Variants in E2F2 observed in about 807,000 individuals in gnomAD.
E2F2 encodes E2F transcription factor 2.
E2F2 carries 22 observed loss-of-function variants against 42.2 expected under a neutral mutation model. The observed-to-expected ratio is 0.52, with a 90% CI of 0.37 to 0.74. The LOEUF is 0.74. Among genes scored for constraint, E2F2 ranks in the 30% least tolerant of loss-of-function variants. E2F2 has a pLI of 0.00. For synonymous variants in E2F2, 248 were observed against 251.6 expected, an observed-to-expected ratio of 0.99 and a Z score of 0.13; for missense variants, 481 against 557.8, an observed-to-expected ratio of 0.86 and a Z score of 1.39.
chr1:23,518,950 G>T, intron 5 of E2F2, 66 bp downstream of exon 5: 1 of 1,334,118 alleles, frequency 7.5e-7, no homozygotes, highest in Non-Finnish European at 1.1e-6. Flanking sequence ...AGAGTCTGCA[G>T]AGCCGCCTGG....
intron 2 of E2F2, among the ~76,000 whole-genome samples, chr1:23,522,958 C>G (rs1643181176): frequency 6.6e-6 from 1 of 152,114 alleles, no homozygotes; most frequent in Non-Finnish European, 1.5e-5. Flanking sequence ...CTCTGGGCAG[C>G]CTTGACCAAT....
chr1:23,526,623 AG>A (rs747035805), intron 1 of E2F2, among the ~76,000 whole-genome samples: 2 of 152,190 alleles, frequency 1.3e-5, no homozygotes, highest in Non-Finnish European at 2.9e-5. Context: ...CTACCACATC[AG>A]TATTGGCACT....
At position 23,516,415 on chromosome 1, in the gene E2F2, G is replaced by C; in HGVS notation, c.965C>G (p.Ser322Cys). The change falls in exon 6 of 7, where the codon TCC becomes TGC. Residue 322 changes from serine (S) to cysteine (C), a missense_variant. By Grantham distance (112) the Ser-to-Cys change is moderately radical. Coordinates refer to ENST00000361729, the MANE Select transcript of E2F2 (RefSeq NM_004091.4). ...SPSEEPLPST[S>C]TLCPSPDSAQ... ...AGAGTCAGGGCTGGGGCAGAGGGTG[G>C]AGGTAGAGGGGAGAGGCTCCTCGGA... The C allele has an allele frequency of 6.2e-7, 1 of 1,601,320 alleles. No individual in the cohort carries two copies. Among genetic ancestry groups the C allele is most frequent in the South Asian group, 1.1e-5 (1 of 89,076 alleles).
Position 23,516,381 on chromosome 1 carries a change from G to A in E2F2, c.999C>T (p.Pro333=). The A allele has an allele frequency of 6.3e-7, 1 of 1,589,514 alleles. No individual in the cohort carries two copies. Among genetic ancestry groups the A allele is most frequent in the Admixed American group, 1.8e-5 (1 of 55,922 alleles). Residue 333 remains proline (P), a synonymous_variant, in exon 6 of 7, where the codon CCC becomes CCT. Transcript: ENST00000361729. The stretch of plus-strand genomic sequence containing the variant: ...TGATGCTAGGGTCGGTGCTGCTGCT[G>A]GGCTGGGCAGAGTCAGGGCTGGGGC... ...TLCPSPDSAQ[P]SSSTDPSIME...
chr1:23,516,310 C>T, intron 6 of E2F2, 25 bp downstream of exon 6: 2 of 1,470,038 alleles, frequency 1.4e-6, no homozygotes, highest in Non-Finnish European at 1.8e-6. Context: ...CCCCCACCTC[C>T]TGTCCCTCTG....
At chr1:23,527,583 G>T (rs1643272566) in intron 1 of E2F2, among the ~76,000 whole-genome samples, 1 of 152,228 alleles carries the variant, frequency 6.6e-6, no homozygotes, top group African/African-American at 2.4e-5. Context: ...TGGGGAAGAG[G>T]AATTGACTTG....
intron 1 of E2F2, among the ~76,000 whole-genome samples, chr1:23,529,188 A>G (rs1643298109): frequency 6.6e-6 from 1 of 152,212 alleles, no homozygotes; most frequent in Admixed American, 6.5e-5. Flanking sequence ...TATTAATGCC[A>G]TCTATTTCAC....
chr1:23,530,401 CTGGGTCCTGGA>C lies in E2F2; in HGVS notation c.252+130_252+140del. On this transcript the variant is annotated intron_variant, in intron 1 of 6. Transcript: ENST00000361729. This position sits in a 1 kb window ranked among gnomAD's most constrained non-coding sequence, Gnocchi z 4.4. ...GTCTTCTACTCAGATATTGGGGGCA[CTGGGTCCTGGA>C]AACTGAAAGCTCATCTTCCCTCTTC... 1 of 1,188,362 alleles carries C rather than the reference CTGGGTCCTGGA, an allele frequency of 8.4e-7. No individual in the cohort carries two copies. Among genetic ancestry groups the C allele is most frequent in the Non-Finnish European group, 1.1e-6 (1 of 869,766 alleles). 73.6% of individuals were successfully genotyped at this position (1,188,362 alleles called of 1,614,324 possible). A position where few individuals can be genotyped will look rare whatever the true frequency, so the allele number is the denominator to read the frequency against.
At chr1:23,528,026 G>C (rs1465683499) in intron 1 of E2F2, among the ~76,000 whole-genome samples, 1 of 152,228 alleles carries the variant, frequency 6.6e-6, no homozygotes, top group African/African-American at 2.4e-5. Context: ...GCTGAGACAG[G>C]AGAATCATTT....
In E2F2 at chr1:23,509,705, G is replaced by A. The variant is rs151168561; in HGVS notation, c.*175C>T. 1.0e-4 allele frequency: 133 copies of A among 1,283,298 alleles called. No individual in the cohort carries two copies. The highest frequency in any genetic ancestry group is 8.5e-4 in the Middle Eastern group (3 of 3,532). The allele number at this position is 1,283,298 out of a possible 1,614,324, so 79.5% of individuals were successfully genotyped here. A position where few individuals can be genotyped will look rare whatever the true frequency, so the allele number is the denominator to read the frequency against. ...ACCACCCCTTATCCACTCCTCACCC[G>A]TACCATTCATATCTCCCCACACAGC... On this transcript the variant is annotated 3_prime_UTR_variant, in exon 7 of 7. Transcript: ENST00000361729.
Position 23,521,384 on chromosome 1 carries a change from G to A in E2F2, c.579-313C>T, listed in dbSNP as rs546762093. Among the ~76,000 whole-genome samples, 161 of 152,224 alleles carry A rather than the reference G, an allele frequency of 1.1e-3. 1 individual carries two copies. Among genetic ancestry groups the A allele is most frequent in the African/African-American group, 3.8e-3 (159 of 41,540 alleles). The stretch of plus-strand genomic sequence containing the variant: ...GGTTTCTCTTAGGATTTATGCCAAG[G>A]GCTATAGGTCAGCTCTTTAAACCCT... On this transcript the variant is annotated intron_variant, in intron 3 of 6. Coordinates refer to ENST00000361729, the MANE Select transcript of E2F2 (RefSeq NM_004091.4).
chr1:23,519,066 C>A lies in E2F2; in HGVS notation c.802G>T (p.Ala268Ser). The A allele has an allele frequency of 6.2e-7, 1 of 1,614,044 alleles. No individual in the cohort carries two copies. The highest frequency in any genetic ancestry group is 8.5e-7 in the Non-Finnish European group (1 of 1,179,942). Residue 268 changes from alanine to serine, a missense_variant, in exon 5 of 7, where the codon GCC becomes TCC. Coordinates refer to ENST00000361729, the MANE Select transcript of E2F2 (RefSeq NM_004091.4). The part of the protein sequence containing the change: ...VGNFKEQTVI[A>S]VKAPPQTRLE... Reference sequence around the variant, plus strand: ...CTCGTCTGCGGAGGGGCCTTGACGGCAATCACTGTCTGCTCCTTAAAGTTG... The same window carrying A: ...CTCGTCTGCGGAGGGGCCTTGACGGAAATCACTGTCTGCTCCTTAAAGTTG...
rs953827828 is a variant in E2F2 at position 23,508,488 on chromosome 1, G to T, written c.*1392C>A. 3 of 152,278 alleles carry T rather than the reference G, an allele frequency of 2.0e-5. No homozygotes were observed. The highest frequency in any genetic ancestry group is 2.0e-4 in the Admixed American group (3 of 15,260). 9.4% of individuals were successfully genotyped at this position (152,278 alleles called of 1,614,324 possible). On this transcript the variant is annotated 3_prime_UTR_variant, in exon 7 of 7. Transcript: ENST00000361729. ...CAGCCCAGAGCACCCACATCCCAGGGTGGGTGGGGGAGAAGAGCAGCTGAG... is the reference window on the plus strand; with the variant it reads ...CAGCCCAGAGCACCCACATCCCAGGTTGGGTGGGGGAGAAGAGCAGCTGAG...
In E2F2 at chr1:23,509,611, T is replaced by C; in HGVS notation, c.*269A>G. On this transcript the variant is annotated 3_prime_UTR_variant, in exon 7 of 7. Transcript: ENST00000361729. The stretch of plus-strand genomic sequence containing the variant: ...CTTGGCCACCTCACCTGCAGCCTTC[T>C]TGTGAGAGGTCAGAAGTCAGAAGAC... The C allele has an allele frequency of 2.2e-6, 1 of 459,656 alleles. No homozygotes were observed. The highest frequency in any genetic ancestry group is 3.3e-6 in the Non-Finnish European group (1 of 298,736). 28.5% of individuals were successfully genotyped at this position (459,656 alleles called of 1,614,324 possible).
rs377111483 is a variant in E2F2, at chr1:23,520,999, C to T, written c.651G>A (p.Leu217=). 7.4e-6 allele frequency: 12 copies of T among 1,613,498 alleles called. No homozygotes were observed. The highest frequency in any genetic ancestry group is 1.0e-5 in the Non-Finnish European group (12 of 1,179,548). ...QQQLGQELKE[L]MNTEQALDQL... ...GGTCCAAGGCCTGCTCCGTGTTCAT[C>T]AGCTCCTTCAGCTCCTGCCCCAGCT... Residue 217 remains leucine (L), a synonymous_variant, in exon 4 of 7, where the codon CTG becomes CTA. Transcript: ENST00000361729.
intron 4 of E2F2, among the ~76,000 whole-genome samples, chr1:23,520,152 A>G (rs1643108993): frequency 6.8e-6 from 1 of 147,248 alleles, no homozygotes; most frequent in South Asian, 2.2e-4. Context: ...AGGCTGAGGC[A>G]GGAGAGTCAC....
chr1:23,513,064 C>T (rs1395779769), intron 6 of E2F2, among the ~76,000 whole-genome samples: 1 of 151,508 alleles, frequency 6.6e-6, no homozygotes, highest in Non-Finnish European at 1.5e-5. Flanking sequence ...CCACCTCCCT[C>T]GGCCTCTCCA....
chr1:23,517,811 G>A (rs1024964838), intron 5 of E2F2, among the ~76,000 whole-genome samples: 8 of 152,216 alleles, frequency 5.3e-5, no homozygotes, highest in Non-Finnish European at 2.9e-5. Flanking sequence ...AGACCTGTAG[G>A]ATGAATAGCG....
intron 2 of E2F2, 39 bp downstream of exon 2, chr1:23,524,344 G>A (rs769763369): frequency 1.2e-5 from 17 of 1,448,632 alleles, no homozygotes; most frequent in Non-Finnish European, 1.6e-5. Context: ...CTCTGCCCCT[G>A]CCCCACCCCA....
Sources: gnomAD v4.1 joint callset for allele counts (sites outside exome capture counted in the v4.1 genomes callset) on GRCh38, gnomAD v4.1.1 for gene constraint, Gnocchi (gnomAD v3.1) non-coding constraint, MANE v1.5 for transcripts, NCBI Gene and HGNC (gene_info 2026-07-23, HGNC 2026-07-21) for gene names.